Variants in C5orf63 observed in about 807,000 individuals in gnomAD.
C5orf63 encodes chromosome 5 open reading frame 63.
Under a neutral mutation model 13.3 loss-of-function variants are expected in C5orf63, and 18 were observed. The ratio of observed to expected loss-of-function variants is 1.36; its 90% CI spans 0.94 to 2.01. The LOEUF is 2.01. Ranked by LOEUF, C5orf63 falls within the 30% of genes most tolerant of loss-of-function variation. C5orf63 has a pLI of 0.00. For missense variants in C5orf63, 118 were observed against 127.7 expected (o/e 0.92, Z 0.36); for synonymous variants, 38 against 44.7 (o/e 0.85, Z 0.60).
intron 3 of C5orf63, among the ~76,000 whole-genome samples, chr5:127,053,972 T>C (rs1561488796): frequency 1.3e-5 from 2 of 152,176 alleles, no homozygotes; most frequent in Non-Finnish European, 2.9e-5. Context: ...TTATTAGCAT[T>C]AGCAATACAT....
At chr5:127,058,705 A>G (rs1390923479) in intron 3 of C5orf63, 177 bp downstream of exon 3, 4 of 570,938 alleles carry the variant, frequency 7.0e-6, no homozygotes, top group Non-Finnish European at 1.2e-5. Flanking sequence ...ACTCTTTGCT[A>G]ATTGGGAGAT....
At chr5:127,065,825 A>G (rs904569850) in intron 2 of C5orf63, among the ~76,000 whole-genome samples, 1 of 152,174 alleles carries the variant, frequency 6.6e-6, no homozygotes, top group South Asian at 2.1e-4. Flanking sequence ...GGGATGCATT[A>G]TTTATTCAAC....
At chr5:127,058,224 T>C (rs1753962506) in intron 3 of C5orf63, among the ~76,000 whole-genome samples, 1 of 152,128 alleles carries the variant, frequency 6.6e-6, no homozygotes, top group African/African-American at 2.4e-5. Context: ...CTGGTGTCTA[T>C]CATTCCCCTC....
downstream of C5orf63, chr5:127,044,609 T>C (rs189669538): frequency 2.6e-5 from 4 of 152,242 alleles, no homozygotes; most frequent in East Asian, 1.9e-4. Flanking sequence ...CCTGTCTCTA[T>C]GGTGAACAAG....
chr5:127,055,121 G>A (rs940538965), intron 3 of C5orf63, among the ~76,000 whole-genome samples: 3 of 152,146 alleles, frequency 2.0e-5, no homozygotes, highest in Non-Finnish European at 4.4e-5. Flanking sequence ...CCAGTACCAT[G>A]CTGTTTTGGT....
At chr5:127,049,443 A>G (rs898067928), downstream of C5orf63, among the ~76,000 whole-genome samples, 5 of 152,136 alleles carry the variant, frequency 3.3e-5, no homozygotes, top group Non-Finnish European at 5.9e-5. Flanking sequence ...TTCAGCCATC[A>G]AGACCTAGCT....
At chr5:127,044,076 T>C (rs1753464457), downstream of C5orf63, 1 of 152,242 alleles carries the variant, frequency 6.6e-6, no homozygotes, top group African/African-American at 2.4e-5. Flanking sequence ...AATGAGGCCA[T>C]GGGCTCAATT....
chr5:127,059,545 T>C (rs955494429), intron 2 of C5orf63, among the ~76,000 whole-genome samples: 6 of 151,366 alleles, frequency 4.0e-5, no homozygotes, highest in East Asian at 4.0e-4. Context: ...CTGGGCAACA[T>C]GGCAAAACCT....
chr5:127,061,518 C>T (rs1360029829), intron 2 of C5orf63, among the ~76,000 whole-genome samples: 2 of 152,230 alleles, frequency 1.3e-5, no homozygotes, highest in African/African-American at 4.8e-5. Context: ...TTACAAGGAT[C>T]TGCTATCCAG....
chr5:127,044,786 T>C (rs1233844601), downstream of C5orf63: 1 of 151,406 alleles, frequency 6.6e-6, no homozygotes, highest in Admixed American at 6.6e-5. Flanking sequence ...TTTTTTTTTT[T>C]TCCTTTTTCT....
At chr5:127,050,876 A>G (rs1336066506), downstream of C5orf63, among the ~76,000 whole-genome samples, 1 of 152,216 alleles carries the variant, frequency 6.6e-6, no homozygotes. Flanking sequence ...TTTTGTTTTC[A>G]AGTGAATCCA....
At chr5:127,048,369 A>C (rs529879104), downstream of C5orf63, among the ~76,000 whole-genome samples, 46 of 152,120 alleles carry the variant, frequency 3.0e-4, no homozygotes, top group Non-Finnish European at 4.4e-5. Context: ...TCTGCTTGCT[A>C]AACTATCTCT....
intron 2 of C5orf63, among the ~76,000 whole-genome samples, chr5:127,064,008 A>T (rs1244920534): frequency 6.6e-6 from 1 of 152,140 alleles, no homozygotes; most frequent in African/African-American, 2.4e-5. Context: ...GGGCTCTACC[A>T]ATCCAGCGAA....
chr5:127,058,525 A>G (rs555474284), intron 3 of C5orf63, among the ~76,000 whole-genome samples: 1 of 152,372 alleles, frequency 6.6e-6, no homozygotes, highest in East Asian at 1.9e-4. Flanking sequence ...TATTTCCCCT[A>G]GGAGCAATAT....
At chr5:127,053,516 G>A (rs1306065493) in intron 3 of C5orf63, among the ~76,000 whole-genome samples, 3 of 152,004 alleles carry the variant, frequency 2.0e-5, no homozygotes, top group Non-Finnish European at 4.4e-5. Flanking sequence ...CATGTGCCAT[G>A]TTGGTTTGCT....
intron 2 of C5orf63, among the ~76,000 whole-genome samples, chr5:127,066,878 G>A (rs1754352406): frequency 6.6e-6 from 1 of 152,152 alleles, no homozygotes; most frequent in Non-Finnish European, 1.5e-5. Context: ...AGCTGGTGAG[G>A]TAGGAGGAAA....
At chr5:127,052,760 C>T in intron 3 of C5orf63, 91 bp from the exon 4 acceptor site, 2 of 864,190 alleles carry the variant, frequency 2.3e-6, no homozygotes, top group Admixed American at 4.0e-5. Flanking sequence ...CCATAAGAGG[C>T]AGATTATACT....
At chr5:127,048,246 G>GACACACACACACACACACAC (rs71822352), downstream of C5orf63, among the ~76,000 whole-genome samples, 1 of 134,686 alleles carries the variant, frequency 7.4e-6, no homozygotes, top group African/African-American at 2.8e-5. Flanking sequence ...GGTCCATGAG[G>GACACACACACACACACACAC]ACACACACAC....
chr5:127,070,401 A>G (rs1754492298), intron 2 of C5orf63, among the ~76,000 whole-genome samples: 1 of 152,222 alleles, frequency 6.6e-6, no homozygotes, highest in African/African-American at 2.4e-5. Context: ...CACTGGAACA[A>G]TGAGAGGAAA....
Sources: gnomAD v4.1 joint callset for allele counts (sites outside exome capture counted in the v4.1 genomes callset) on GRCh38, gnomAD v4.1.1 for gene constraint, MANE v1.5 for transcripts, NCBI Gene and HGNC (gene_info 2026-07-23, HGNC 2026-07-21) for gene names.